The following SCOC variants were observed in gnomAD, a reference collection of about 807,000 sequenced individuals.
SCOC encodes short coiled-coil protein, also known as short coiled coil protein.
SCOC carries 7 observed loss-of-function variants against 9.9 expected under a neutral mutation model. The ratio of observed to expected loss-of-function variants is 0.71; its 90% CI spans 0.40 to 1.33. The LOEUF is 1.33. SCOC is among the 40% of genes most tolerant of loss of function. The pLI is 0.01. For missense variants in SCOC, 66 were observed against 89.7 expected (o/e 0.74, Z 1.07); for synonymous variants, 19 against 28.2 (o/e 0.67, Z 1.03).
rs1378919225 is a variant in SCOC at position 140,382,457 on chromosome 4, C to G, written c.*1353C>G. The G allele has an allele frequency of 6.6e-6, 1 of 152,634 alleles. No homozygotes were observed. The highest frequency in any genetic ancestry group is 1.5e-5 in the Non-Finnish European group (1 of 68,032). 9.5% of individuals were successfully genotyped at this position (152,634 alleles called of 1,614,324 possible). On this transcript the variant is annotated 3_prime_UTR_variant, in exon 4 of 4. Coordinates refer to ENST00000608372, the MANE Select transcript of SCOC (RefSeq NM_001153484.2). ...GCTGTGTGAATATATAATAGTCAAA[C>G]TGCAAACATTTTGCATCCCTTTTGT...
intron 1 of SCOC, among the ~76,000 whole-genome samples, chr4:140,309,322 G>A (rs1440400861): frequency 6.6e-6 from 1 of 152,196 alleles, no homozygotes; most frequent in Non-Finnish European, 1.5e-5. Context: ...CAAACATCCT[G>A]CAGAATGGAA....
chr4:140,270,498 T>G (rs901693035), intron 1 of SCOC, among the ~76,000 whole-genome samples: 1 of 152,126 alleles, frequency 6.6e-6, no homozygotes, highest in Non-Finnish European at 1.5e-5. Context: ...CATGCCTGGC[T>G]AATTTTTAAA....
At chr4:140,262,258 G>A (rs1730648886) in intron 1 of SCOC, among the ~76,000 whole-genome samples, 1 of 152,128 alleles carries the variant, frequency 6.6e-6, no homozygotes, top group African/African-American at 2.4e-5. Flanking sequence ...GAACTACAGA[G>A]GGAAGAAAGG....
chr4:140,294,719 G>A (rs893872170), intron 1 of SCOC, among the ~76,000 whole-genome samples: 7 of 151,936 alleles, frequency 4.6e-5, no homozygotes, highest in Non-Finnish European at 8.8e-5. Flanking sequence ...GGTTAGAAAG[G>A]ACCACATAAA....
chr4:140,339,506 A>T (rs1157402080), upstream of SCOC, among the ~76,000 whole-genome samples: 3 of 152,266 alleles, frequency 2.0e-5, no homozygotes, highest in Admixed American at 6.5e-5. Flanking sequence ...CACCAGAGTG[A>T]ACAGGCAACC....
chr4:140,367,093 T>C (rs1226871739), intron 2 of SCOC, among the ~76,000 whole-genome samples: 5 of 151,748 alleles, frequency 3.3e-5, no homozygotes, highest in African/African-American at 1.2e-4. Context: ...GTAATTCCAG[T>C]TGCTCGGGAG....
chr4:140,344,043 C>T (rs1315551177), intron 2 of SCOC, among the ~76,000 whole-genome samples: 1 of 152,102 alleles, frequency 6.6e-6, no homozygotes, highest in Non-Finnish European at 1.5e-5. Context: ...TAGTCAGTTT[C>T]TTTTCTATCT....
chr4:140,314,495 G>C (rs570668026), intron 1 of SCOC: 1 of 152,550 alleles, frequency 6.6e-6, no homozygotes, highest in Admixed American at 6.5e-5. Flanking sequence ...TATTCAGCTG[G>C]GTTGAGGGTT....
At position 140,261,371 on chromosome 4, in the gene SCOC, C is replaced by A. The variant is rs778374179; in HGVS notation, c.-19+3961C>A. 6.6e-5 allele frequency among the ~76,000 whole-genome samples: 10 copies of A among 152,230 alleles called. 1 individual carries two copies. The highest frequency in any genetic ancestry group is 1.5e-5 in the Non-Finnish European group (1 of 68,050). On this transcript the variant is annotated intron_variant, in intron 1 of 4. Transcript: ENST00000394205. ...CCAAGAGCAGTGAGCATTGGTCAGT[C>A]AGTCAACTATGTCTTACTGAACATT...
chr4:140,317,255 T>A (rs559524655), intron 1 of SCOC, among the ~76,000 whole-genome samples: 6 of 152,262 alleles, frequency 3.9e-5, no homozygotes, highest in Non-Finnish European at 7.4e-5. Context: ...TATGCCCAAT[T>A]TCTGCCTCCA....
chr4:140,366,792 T>C (rs996682028), intron 2 of SCOC: 3 of 1,274,792 alleles, frequency 2.4e-6, no homozygotes, highest in East Asian at 4.6e-5. Context: ...TTGCAACCAA[T>C]TTTCTGGCAC....
intron 1 of SCOC, among the ~76,000 whole-genome samples, chr4:140,271,208 TG>T (rs945196147): frequency 3.9e-5 from 6 of 152,254 alleles, no homozygotes; most frequent in African/African-American, 1.4e-4. Context: ...AGACGATGGA[TG>T]ATGGGCATTG....
At chr4:140,304,233 G>A (rs927049445) in intron 1 of SCOC, among the ~76,000 whole-genome samples, 3 of 152,186 alleles carry the variant, frequency 2.0e-5, no homozygotes, top group Non-Finnish European at 4.4e-5. Context: ...GTGACAGGCT[G>A]ACAGTAGATC....
chr4:140,272,324 G>A (rs1318534939), intron 1 of SCOC, among the ~76,000 whole-genome samples: 1 of 151,790 alleles, frequency 6.6e-6, no homozygotes, highest in Non-Finnish European at 1.5e-5. Context: ...CAAATTGTTG[G>A]GATTACAGGC....
upstream of SCOC, among the ~76,000 whole-genome samples, chr4:140,340,783 CTTTTTTTT>C (rs36136647): frequency 2.7e-4 from 11 of 40,478 alleles, no homozygotes; most frequent in African/African-American, 4.7e-4. Context: ...TGCTGCCTAA[CTTTTTTTT>C]TTTTTTTTTT....
Position 140,373,714 on chromosome 4 carries a change from G to A in SCOC, c.-54G>A, listed in dbSNP as rs1370434347. The A allele has an allele frequency of 1.9e-6, 3 of 1,547,126 alleles. No individual in the cohort carries two copies. Among genetic ancestry groups the A allele is most frequent in the Non-Finnish European group, 2.6e-6 (3 of 1,146,810 alleles). ...CCTCCTTCTCCCGGCGCCTCAAGCGGAAGGTGAGGGCCGTCCCGGGCAGCG... is the reference window on the plus strand; with the variant it reads ...CCTCCTTCTCCCGGCGCCTCAAGCGAAAGGTGAGGGCCGTCCCGGGCAGCG... On this transcript the variant is annotated 5_prime_UTR_variant, in exon 1 of 4. Transcript: ENST00000608372.
intron 1 of SCOC, among the ~76,000 whole-genome samples, chr4:140,322,193 G>T (rs1732519557): frequency 6.6e-6 from 1 of 152,218 alleles, no homozygotes. Flanking sequence ...GGAGTGAGGT[G>T]TTGCTGTAAT....
At position 140,325,582 on chromosome 4, in the gene SCOC, A is replaced by G. The variant is rs1268257555; in HGVS notation, c.-18-18039A>G. On this transcript the variant is annotated intron_variant, in intron 1 of 4. Transcript: ENST00000394205. The stretch of plus-strand genomic sequence containing the variant: ...TATCAATAGCAAATAAATATAAAAG[A>G]GGTGTTCAGCATCATTTGTTATCAG... Among the ~76,000 whole-genome samples, 4 of 152,178 alleles carry G rather than the reference A, an allele frequency of 2.6e-5. No homozygotes were observed. The East Asian group carries it at 7.7e-4, about 29-fold the overall frequency.
chr4:140,263,399 C>T (rs763750897), intron 1 of SCOC, among the ~76,000 whole-genome samples: 4 of 152,090 alleles, frequency 2.6e-5, no homozygotes, highest in East Asian at 1.9e-4. Context: ...AGCATGAGGC[C>T]GGGGACTCTG....
Sources: allele counts gnomAD v4.1 joint callset (sites outside exome capture counted in the v4.1 genomes callset), GRCh38; gene constraint gnomAD v4.1.1; transcripts MANE v1.5; gene names NCBI Gene and HGNC (gene_info 2026-07-23, HGNC 2026-07-21).